ZNF384: variants seen among roughly 807,000 people sequenced by gnomAD.
ZNF384 encodes the protein zinc finger protein 384, also known as CAG repeat protein 1.
In ZNF384, 20 loss-of-function variants were observed where a neutral mutation model predicts 65.0. The ratio of observed to expected loss-of-function variants is 0.31; its 90% CI spans 0.22 to 0.45. The LOEUF (loss-of-function observed/expected upper bound fraction) is 0.45, where lower values mean the gene tolerates loss of function less well. Among genes scored for constraint, ZNF384 ranks in the 20% least tolerant of loss-of-function variants. The probability of loss-of-function intolerance (pLI) is 1.00; values close to 1 mark genes in which losing one functional copy is unlikely to be tolerated. For synonymous variants in ZNF384, 310 were observed against 303.9 expected (o/e 1.02, Z -0.21); for missense variants, 549 against 769.4 (o/e 0.71, Z 3.39).
At chr12:6,683,066 G>A (rs1156386612) in intron 2 of ZNF384, among the ~76,000 whole-genome samples, 1 of 151,918 alleles carries the variant, frequency 6.6e-6, no homozygotes, top group Non-Finnish European at 1.5e-5. Flanking sequence ...TGAGGCAGGT[G>A]GATCACTTGA....
In ZNF384 at chr12:6,672,132, A is replaced by C; in HGVS notation, c.1187+218T>G. The C allele has an allele frequency of 1.8e-6, 1 of 549,102 alleles. No individual in the cohort carries two copies. Among genetic ancestry groups the C allele is most frequent in the Non-Finnish European group, 3.3e-6 (1 of 305,630 alleles). 34.0% of individuals were successfully genotyped at this position (549,102 alleles called of 1,614,324 possible). A position where few individuals can be genotyped will look rare whatever the true frequency, so the allele number is the denominator to read the frequency against. ...ATGGATCAGTGAATATCATATAGTCACTGCAGCTCCCCGACGTAGCTCTTG... is the reference window on the plus strand; with the variant it reads ...ATGGATCAGTGAATATCATATAGTCCCTGCAGCTCCCCGACGTAGCTCTTG... On this transcript the variant is annotated intron_variant, in intron 9 of 11. Coordinates refer to ENST00000683879, the MANE Select transcript of ZNF384 (RefSeq NM_001385745.1). The surrounding 1 kb of genome is among the most constrained non-coding windows in gnomAD (Gnocchi z 4.4).
chr12:6,686,252 C>A (rs1957865113), intron 2 of ZNF384, among the ~76,000 whole-genome samples: 1 of 152,122 alleles, frequency 6.6e-6, no homozygotes, highest in South Asian at 2.1e-4. Flanking sequence ...GGAATCAAGA[C>A]TTCTGAATTC....
Position 6,667,367 on chromosome 12 carries a change from A to C in ZNF384, c.*347T>G. 1 of 449,592 alleles carries C rather than the reference A, an allele frequency of 2.2e-6. No individual in the cohort carries two copies. The highest frequency in any genetic ancestry group is 6.3e-4 in the Middle Eastern group (1 of 1,578). The allele number at this position is 449,592 out of a possible 1,614,324, so 27.9% of individuals were successfully genotyped here. A position where few individuals can be genotyped will look rare whatever the true frequency, so the allele number is the denominator to read the frequency against. On this transcript the variant is annotated 3_prime_UTR_variant, in exon 12 of 12. Coordinates refer to ENST00000683879, the MANE Select transcript of ZNF384 (RefSeq NM_001385745.1). ...TACATCAGCCCAAACTTTGAGGATA[A>C]GGAGGGTAAGGATAGGGTAAGTGGC...
At chr12:6,676,093 A>G (rs1953442142) in intron 7 of ZNF384, among the ~76,000 whole-genome samples, 1 of 152,224 alleles carries the variant, frequency 6.6e-6, no homozygotes, top group East Asian at 1.9e-4. Flanking sequence ...TGAGGTCAGG[A>G]GTTCGAGACC....
At position 6,672,280 on chromosome 12, in the gene ZNF384, G is replaced by A; in HGVS notation, c.1187+70C>T. The A allele has an allele frequency of 1.3e-6, 2 of 1,502,910 alleles. No individual in the cohort carries two copies. The highest frequency in any genetic ancestry group is 1.8e-6 in the Non-Finnish European group (2 of 1,114,940). 93.1% of individuals were successfully genotyped at this position (1,502,910 alleles called of 1,614,324 possible). On this transcript the variant is annotated intron_variant, in intron 9 of 11. Transcript: ENST00000683879. This position sits in a 1 kb window ranked among gnomAD's most constrained non-coding sequence, Gnocchi z 4.4. ...CCGCCCCCCGCATGCGGGTTGTTGTGTGTGTCCGGGGCGGGGGTGGGGAGG... is the reference window on the plus strand; with the variant it reads ...CCGCCCCCCGCATGCGGGTTGTTGTATGTGTCCGGGGCGGGGGTGGGGAGG...
At chr12:6,679,875 A>G (rs1203095288) in intron 2 of ZNF384, among the ~76,000 whole-genome samples, 3 of 152,250 alleles carry the variant, frequency 2.0e-5, no homozygotes, top group Non-Finnish European at 4.4e-5. Context: ...AGCTAAGGTC[A>G]CAAAAAACAA....
At chr12:6,674,021 C>G (rs554719155) in intron 7 of ZNF384, among the ~76,000 whole-genome samples, 1 of 152,296 alleles carries the variant, frequency 6.6e-6, no homozygotes, top group South Asian at 2.1e-4. Context: ...TATGTCTGCT[C>G]TCCACCCTCT....
At chr12:6,676,244 T>C (rs576366598) in intron 7 of ZNF384, among the ~76,000 whole-genome samples, 4 of 151,466 alleles carry the variant, frequency 2.6e-5, no homozygotes, top group African/African-American at 7.3e-5. Context: ...AAGTTAAGAG[T>C]GAGTTGAGAT....
chr12:6,681,725 TA>T (rs748537272), intron 2 of ZNF384, among the ~76,000 whole-genome samples: 4 of 152,204 alleles, frequency 2.6e-5, no homozygotes, highest in Non-Finnish European at 5.9e-5. Flanking sequence ...CTTATCCTTT[TA>T]TAGAAAACAT....
rs1950163921 is a variant in ZNF384 at position 6,667,941 on chromosome 12, GC to G, written c.1599del (p.Gln533HisfsTer47). 2.5e-6 allele frequency: 4 copies of G among 1,610,574 alleles called. No individual in the cohort carries two copies. The highest frequency in any genetic ancestry group is 3.4e-6 in the Non-Finnish European group (4 of 1,178,702). ...AQAQASQASQ[Q>X]QQQQQQQQQQ... ...TGCTGCTGCTGCTGCTGCTGCTGCT[GC>G]TGCTGTGATGCCTGGGAGGCCTGGG... is the stretch of plus-strand genomic sequence containing the variant. On this transcript the variant is annotated frameshift_variant, in exon 12 of 12. Coordinates refer to ENST00000683879, the MANE Select transcript of ZNF384 (RefSeq NM_001385745.1). LOFTEE classifies it high-confidence loss of function.
chr12:6,677,984 T>C (rs369226311), intron 6 of ZNF384, 143 bp downstream of exon 6: 1 of 739,020 alleles, frequency 1.4e-6, no homozygotes, highest in Non-Finnish European at 2.3e-6. Flanking sequence ...TATCCTATGA[T>C]GGGACACCTG....
chr12:6,684,998 A>G (rs1421823412), intron 2 of ZNF384, among the ~76,000 whole-genome samples: 1 of 152,148 alleles, frequency 6.6e-6, no homozygotes, highest in Non-Finnish European at 1.5e-5. Context: ...AAAGAAGCCC[A>G]CTGATGTTAC....
intron 2 of ZNF384, among the ~76,000 whole-genome samples, chr12:6,685,343 A>AAAAAGC: frequency 6.6e-6 from 1 of 152,104 alleles, no homozygotes; most frequent in Non-Finnish European, 1.5e-5. Flanking sequence ...AAAGAAAAAG[A>AAAAAGC]AATAGAAAGG....
In ZNF384 at chr12:6,673,497, C is replaced by A; in HGVS notation, c.780-57G>T. 1 of 1,513,036 alleles carries A rather than the reference C, an allele frequency of 6.6e-7. No homozygotes were observed. The highest frequency in any genetic ancestry group is 2.3e-5 in the East Asian group (1 of 43,668). The allele number at this position is 1,513,036 out of a possible 1,614,324, so 93.7% of individuals were successfully genotyped here. On this transcript the variant is annotated intron_variant, in intron 7 of 11. Coordinates refer to ENST00000683879, the MANE Select transcript of ZNF384 (RefSeq NM_001385745.1). This position sits in a 1 kb window ranked among gnomAD's most constrained non-coding sequence, Gnocchi z 4.7. ...TTCCCATCAAGAAGGTGTGGCTGAA[C>A]CCTCCCCTCTACTTCCAAGAGAAGC...
chr12:6,673,163 C>T lies in ZNF384; in HGVS notation c.1004+53G>A, dbSNP rs556840124. On this transcript the variant is annotated intron_variant, in intron 8 of 11. Transcript: ENST00000683879. The surrounding 1 kb of genome is among the most constrained non-coding windows in gnomAD (Gnocchi z 4.7). ...TGGAGAGAGGAGTAGGTGCAGGCAA[C>T]ATGGTCTTAGGGTTCACGGCCAGGT... The T allele has an allele frequency of 2.3e-4, 347 of 1,540,930 alleles. 3 individuals are homozygous for T. The South Asian group carries it at 3.1e-3, about 14-fold the overall frequency.
At position 6,678,522 on chromosome 12, in the gene ZNF384, C is replaced by T; in HGVS notation, c.353-62G>A. 7.1e-6 allele frequency: 11 copies of T among 1,538,970 alleles called. No individual in the cohort carries two copies. Among genetic ancestry groups the T allele is most frequent in the Non-Finnish European group, 9.7e-6 (11 of 1,129,506 alleles). On this transcript the variant is annotated intron_variant, in intron 5 of 11. Coordinates refer to ENST00000683879, the MANE Select transcript of ZNF384 (RefSeq NM_001385745.1). This position sits in a 1 kb window ranked among gnomAD's most constrained non-coding sequence, Gnocchi z 4.9. ...TTCAGTCCTGATCCTAATCCTATTT[C>T]ATTTCCCCCAGATCATTGTCTAATT...
At chr12:6,670,922 C>T in intron 9 of ZNF384, 84 bp from the exon 10 acceptor site, 1 of 1,277,000 alleles carries the variant, frequency 7.8e-7, no homozygotes, top group Non-Finnish European at 1.1e-6. Context: ...CAGGCCCATC[C>T]TGCTCTCCTA....
At chr12:6,677,378 T>C (rs1440694725) in intron 6 of ZNF384, 119 bp from the exon 7 acceptor site, 1 of 1,112,672 alleles carries the variant, frequency 9.0e-7, no homozygotes, top group Non-Finnish European at 1.1e-6. Context: ...GTTATCCCAC[T>C]CTATACAGTG....
At chr12:6,687,134 G>A (rs1379092882) in intron 2 of ZNF384, among the ~76,000 whole-genome samples, 1 of 152,194 alleles carries the variant, frequency 6.6e-6, no homozygotes, top group African/African-American at 2.4e-5. Context: ...CCAGTAGGAT[G>A]TGACGCTTTC....
Sources: allele counts gnomAD v4.1 joint callset (sites outside exome capture counted in the v4.1 genomes callset), GRCh38; gene constraint gnomAD v4.1.1; non-coding constraint Gnocchi (gnomAD v3.1); transcripts MANE v1.5; gene names NCBI Gene and HGNC (gene_info 2026-07-23, HGNC 2026-07-21).